Variants in CEP128 observed in about 807,000 individuals in gnomAD.
CEP128 encodes the protein centrosomal protein 128kDa.
Under a neutral mutation model 156.7 loss-of-function variants are expected in CEP128, and 132 were observed. The observed-to-expected ratio is 0.84, with a 90% CI of 0.73 to 0.97. CEP128 has a LOEUF of 0.97. Among genes scored for constraint, CEP128 ranks in the 50% least tolerant of loss-of-function variants. The pLI, the probability that CEP128 is intolerant of heterozygous loss-of-function variation, is 0.00. For missense variants in CEP128, 1,252 were observed against 1,281.9 expected (o/e 0.98, Z 0.36); for synonymous variants, 469 against 448.9 (o/e 1.04, Z -0.57).
chr14:80,512,459 G>T (rs1888304963), intron 23 of CEP128, among the ~76,000 whole-genome samples: 1 of 151,642 alleles, frequency 6.6e-6, no homozygotes, highest in Non-Finnish European at 1.5e-5. Flanking sequence ...TTTATTTTTA[G>T]TCTACATATG....
Position 80,784,884 on chromosome 14 carries a change from A to T in CEP128, c.2211+11T>A, listed in dbSNP as rs936448480. 1 of 1,584,508 alleles carries T rather than the reference A, an allele frequency of 6.3e-7. No individual in the cohort carries two copies. Among genetic ancestry groups the T allele is most frequent in the East Asian group, 2.2e-5 (1 of 44,700 alleles). On this transcript the variant is annotated intron_variant, in intron 15 of 24. Coordinates refer to ENST00000555265, the MANE Select transcript of CEP128 (RefSeq NM_152446.5). ...TCCTTCAGTATCATCAGGATAATTT[A>T]GCAGAGGTACCTTCAGAGTCCTGAT...
chr14:80,655,062 T>G (rs1235866825), intron 19 of CEP128, among the ~76,000 whole-genome samples: 1 of 152,194 alleles, frequency 6.6e-6, no homozygotes, highest in East Asian at 1.9e-4. Flanking sequence ...CTTTTAATTC[T>G]TTGTTCACGT....
At chr14:80,574,581 C>T (rs1249480449) in intron 20 of CEP128, among the ~76,000 whole-genome samples, 39 of 152,128 alleles carry the variant, frequency 2.6e-4, no homozygotes, top group Admixed American at 2.5e-3. Context: ...GCTTTTCCTG[C>T]CCGGTTTATC....
intron 9 of CEP128, among the ~76,000 whole-genome samples, chr14:80,856,936 C>T (rs891938265): frequency 5.3e-5 from 8 of 150,794 alleles, no homozygotes; most frequent in African/African-American, 7.3e-5. Context: ...TTAGTAGAGA[C>T]GGGGTTTCAC....
intron 19 of CEP128, among the ~76,000 whole-genome samples, chr14:80,602,204 A>G (rs1305006712): frequency 6.6e-6 from 1 of 152,226 alleles, no homozygotes; most frequent in African/African-American, 2.4e-5. Flanking sequence ...AGAAAAATGG[A>G]CAGAATTGAG....
At chr14:80,572,456 T>G (rs1891182317) in intron 20 of CEP128, among the ~76,000 whole-genome samples, 1 of 152,152 alleles carries the variant, frequency 6.6e-6, no homozygotes, top group South Asian at 2.1e-4. Context: ...TATCCAGAGA[T>G]AGACGATAAA....
intron 2 of CEP128, among the ~76,000 whole-genome samples, chr14:80,916,897 A>T (rs1158831353): frequency 6.6e-6 from 1 of 152,302 alleles, no homozygotes; most frequent in East Asian, 1.9e-4. Flanking sequence ...TACCAACAAC[A>T]CCATAAGGTA....
chr14:80,925,031 T>A (rs1467470035), intron 2 of CEP128, among the ~76,000 whole-genome samples: 1 of 152,084 alleles, frequency 6.6e-6, no homozygotes, highest in Admixed American at 6.6e-5. Flanking sequence ...CCTGAACTAT[T>A]AAACTGAGCA....
At chr14:80,826,128 A>G (rs1175516123) in intron 13 of CEP128, among the ~76,000 whole-genome samples, 2 of 147,764 alleles carry the variant, frequency 1.4e-5, no homozygotes, top group Non-Finnish European at 3.0e-5. Flanking sequence ...AAAAAAAAAC[A>G]GCTCTGCCAA....
Position 80,838,197 on chromosome 14 carries a change from G to T in CEP128, c.924+7C>A. ...AAAGTATATTATAATAACTTGCATA[G>T]ACTTACCTGATGCAAAAGTGTTTCT... On this transcript the variant is annotated splice_region_variant and intron_variant, in intron 11 of 24. Transcript: ENST00000555265. The T allele has an allele frequency of 6.3e-7, 1 of 1,590,474 alleles. No individual in the cohort carries two copies. The highest frequency in any genetic ancestry group is 8.6e-7 in the Non-Finnish European group (1 of 1,158,938).
chr14:80,570,079 T>G (rs947113203), intron 20 of CEP128, among the ~76,000 whole-genome samples: 1 of 152,212 alleles, frequency 6.6e-6, no homozygotes, highest in Non-Finnish European at 1.5e-5. Context: ...ATTGTAAGTT[T>G]AATTGCCAAA....
At chr14:80,938,477 G>A (rs187673163) in intron 2 of CEP128, among the ~76,000 whole-genome samples, 105 of 151,990 alleles carry the variant, frequency 6.9e-4, no homozygotes, top group Non-Finnish European at 1.4e-3. Flanking sequence ...TCGATCTCCC[G>A]ACCTCGTGAT....
Position 80,825,488 on chromosome 14 carries a change from T to G in CEP128, c.1209+5655A>C, listed in dbSNP as rs557269705. 7.2e-5 allele frequency among the ~76,000 whole-genome samples: 11 copies of G among 152,324 alleles called. No individual in the cohort carries two copies. In the South Asian group the frequency reaches 2.3e-3, roughly 32 times the overall value. ...ACGAAGAAACTTGAAAATAGATATT[T>G]TATTTCTAAACTGTTTTACTGACCA... On this transcript the variant is annotated intron_variant, in intron 13 of 24. Coordinates refer to ENST00000555265, the MANE Select transcript of CEP128 (RefSeq NM_152446.5).
chr14:80,478,188 C>G (rs1886981370), exon 15 of CEP128: 1 of 152,122 alleles, frequency 6.6e-6, no homozygotes, highest in Non-Finnish European at 1.5e-5. Flanking sequence ...TCACTTGGCA[C>G]TGGCTGGAGT....
At chr14:80,784,675 T>C (rs1014781291) in intron 15 of CEP128, among the ~76,000 whole-genome samples, 1 of 152,194 alleles carries the variant, frequency 6.6e-6, no homozygotes, top group African/African-American at 2.4e-5. Context: ...AAACGTTCTT[T>C]ATAAAGGGCT....
At chr14:80,937,672 T>C (rs1168164695) in intron 2 of CEP128, among the ~76,000 whole-genome samples, 3 of 152,076 alleles carry the variant, frequency 2.0e-5, no homozygotes, top group African/African-American at 7.2e-5. Context: ...CAATACATTT[T>C]ACGAAAAAAG....
chr14:80,494,182 G>A (rs540703206), downstream of CEP128, among the ~76,000 whole-genome samples: 1 of 152,298 alleles, frequency 6.6e-6, no homozygotes, highest in African/African-American at 2.4e-5. Context: ...TGCATGAAAT[G>A]CCTTTATATA....
intron 19 of CEP128, among the ~76,000 whole-genome samples, chr14:80,607,624 A>G (rs1316959192): frequency 2.0e-5 from 3 of 152,162 alleles, no homozygotes; most frequent in Non-Finnish European, 4.4e-5. Context: ...AGTTGGGCAT[A>G]GTTCCAAAAA....
At chr14:80,804,079 T>C (rs1884033701) in intron 13 of CEP128, among the ~76,000 whole-genome samples, 1 of 151,782 alleles carries the variant, frequency 6.6e-6, no homozygotes, top group Non-Finnish European at 1.5e-5. Context: ...TGTGGATGTT[T>C]ACATTATACT....
Sources: allele counts gnomAD v4.1 joint callset (sites outside exome capture counted in the v4.1 genomes callset), GRCh38; gene constraint gnomAD v4.1.1; transcripts MANE v1.5; gene names NCBI Gene and HGNC (gene_info 2026-07-23, HGNC 2026-07-21).